NOX4: variants seen among roughly 807,000 people sequenced by gnomAD.
NOX4 encodes kidney oxidase-1.
A neutral mutation model predicts 87.6 loss-of-function variants in NOX4; 69 were observed. The observed-to-expected ratio is 0.79, with a 90% CI of 0.65 to 0.96. NOX4 has a LOEUF of 0.96. Among genes scored for constraint, NOX4 ranks in the 40% least tolerant of loss-of-function variants. The pLI is 0.00. For missense variants in NOX4, 680 were observed against 681.5 expected, an observed-to-expected ratio of 1.00 and a Z score of 0.02; for synonymous variants, 275 against 238.2, an observed-to-expected ratio of 1.15 and a Z score of -1.42.
the NOX4 span, among the ~76,000 whole-genome samples, chr11:89,521,246 A>C: frequency 6.6e-6 from 1 of 152,158 alleles, no homozygotes; most frequent in Admixed American, 6.5e-5. Context: ...CAAAAAGAAC[A>C]AAGCCAAAGG....
rs965095979 is a variant in NOX4 at position 89,325,016 on chromosome 11, C to T, written c.*1740G>A. 1 of 149,902 alleles carries T rather than the reference C, an allele frequency of 6.7e-6. No homozygotes were observed. Among genetic ancestry groups the T allele is most frequent in the African/African-American group, 2.5e-5 (1 of 40,550 alleles). The allele number at this position is 149,902 out of a possible 1,614,324, so 9.3% of individuals were successfully genotyped here. A position where few individuals can be genotyped will look rare whatever the true frequency, so the allele number is the denominator to read the frequency against. Reference sequence around the variant, plus strand: ...GTTTTATGTAACATTTTAACAATGGCAAGGTAAGTCACACTGCTGATTTCA... The same window carrying T: ...GTTTTATGTAACATTTTAACAATGGTAAGGTAAGTCACACTGCTGATTTCA... On this transcript the variant is annotated 3_prime_UTR_variant, in exon 18 of 18. Transcript: ENST00000263317.
intron 2 of NOX4, among the ~76,000 whole-genome samples, chr11:89,472,015 T>C (rs1358689736): frequency 2.0e-5 from 3 of 152,226 alleles, no homozygotes; most frequent in African/African-American, 7.2e-5. Flanking sequence ...GTTCTGGGTT[T>C]ACAGGCATGA....
the NOX4 span, among the ~76,000 whole-genome samples, chr11:89,525,349 A>T: frequency 6.6e-6 from 1 of 152,068 alleles, no homozygotes; most frequent in African/African-American, 2.4e-5. Context: ...AGTGAATAAG[A>T]GTTCCAGTTG....
At chr11:89,427,726 A>T (rs1943519869) in intron 7 of NOX4, among the ~76,000 whole-genome samples, 1 of 152,236 alleles carries the variant, frequency 6.6e-6, no homozygotes, top group African/African-American at 2.4e-5. Context: ...ATGTGAGAAG[A>T]CCAAAACTAC....
chr11:89,437,617 G>C (rs921905552), intron 6 of NOX4, among the ~76,000 whole-genome samples: 1 of 151,876 alleles, frequency 6.6e-6, no homozygotes. Flanking sequence ...TGCTGAATTG[G>C]GTGAGTCAAA....
intron 3 of NOX4, among the ~76,000 whole-genome samples, chr11:89,451,543 T>C (rs1038015740): frequency 1.3e-5 from 2 of 152,316 alleles, no homozygotes; most frequent in Admixed American, 6.5e-5. Flanking sequence ...GTCCAGCATG[T>C]ATGTGAAACA....
At chr11:89,443,814 C>T (rs1004760104) in intron 5 of NOX4, 6 of 208,862 alleles carry the variant, frequency 2.9e-5, no homozygotes, top group African/African-American at 1.4e-4. Flanking sequence ...TACCCTGTAA[C>T]GGCACTGTCA....
intron 6 of NOX4, among the ~76,000 whole-genome samples, chr11:89,434,768 T>G (rs535354429): frequency 6.7e-6 from 1 of 149,568 alleles, no homozygotes; most frequent in East Asian, 2.0e-4. Context: ...GGAAAATTAA[T>G]CAGCAATAAA....
intron 2 of NOX4, among the ~76,000 whole-genome samples, chr11:89,462,472 T>C (rs1430644395): frequency 6.6e-6 from 1 of 152,112 alleles, no homozygotes; most frequent in East Asian, 1.9e-4. Context: ...TACTATAAAG[T>C]TACAGTAATT....
At chr11:89,484,255 CA>C (rs1555049605) in intron 2 of NOX4, among the ~76,000 whole-genome samples, 2 of 151,994 alleles carry the variant, frequency 1.3e-5, no homozygotes, top group Non-Finnish European at 2.9e-5. Flanking sequence ...AGCTATATAT[CA>C]CAACGAGGTT....
At chr11:89,537,399 G>C in the NOX4 span, among the ~76,000 whole-genome samples, 1 of 150,750 alleles carries the variant, frequency 6.6e-6, no homozygotes, top group East Asian at 1.9e-4. Flanking sequence ...ACAGTTTTAT[G>C]TATAGTTATA....
chr11:89,535,034 A>AT, the NOX4 span, among the ~76,000 whole-genome samples: 4 of 152,194 alleles, frequency 2.6e-5, no homozygotes, highest in African/African-American at 9.6e-5. Flanking sequence ...AGCTTTATTC[A>AT]TTACAAGAGG....
chr11:89,338,760 TG>T (rs1281446551), intron 15 of NOX4, among the ~76,000 whole-genome samples: 1 of 152,142 alleles, frequency 6.6e-6, no homozygotes, highest in African/African-American at 2.4e-5. Flanking sequence ...CTCCAAAATA[TG>T]TGTCTAGTCT....
At chr11:89,341,655 A>C (rs1327307839) in intron 14 of NOX4, among the ~76,000 whole-genome samples, 1 of 152,008 alleles carries the variant, frequency 6.6e-6, no homozygotes, top group Non-Finnish European at 1.5e-5. Flanking sequence ...GCCCCATTTG[A>C]ATGTAAGTTT....
At chr11:89,427,900 T>G in intron 7 of NOX4, among the ~76,000 whole-genome samples, 1 of 151,920 alleles carries the variant, frequency 6.6e-6, no homozygotes, top group East Asian at 1.9e-4. Flanking sequence ...GAAGACCAAC[T>G]CAAAGACACA....
chr11:89,346,516 A>G (rs1342214042), intron 13 of NOX4, among the ~76,000 whole-genome samples: 1 of 150,408 alleles, frequency 6.6e-6, no homozygotes, highest in Non-Finnish European at 1.5e-5. Flanking sequence ...CCTCAAACAT[A>G]AAAACTAAAG....
intron 2 of NOX4, among the ~76,000 whole-genome samples, chr11:89,476,275 C>A (rs1010802000): frequency 6.6e-6 from 1 of 151,934 alleles, no homozygotes. Flanking sequence ...TTACATTTGT[C>A]AGGCTTGTTG....
rs1393292765 is a variant in NOX4, at chr11:89,491,254, GC to G, written c.-9del. ...CCTCCAGGACACAGCCATGCCGCCGGCCCCGCCGCGCTGCGCTCTGTGCCCG... is the reference window on the plus strand; with the variant it reads ...CCTCCAGGACACAGCCATGCCGCCGGCCCGCCGCGCTGCGCTCTGTGCCCG... On this transcript the variant is annotated 5_prime_UTR_variant, in exon 1 of 18. Coordinates refer to ENST00000263317, the MANE Select transcript of NOX4 (RefSeq NM_016931.5). The G allele has an allele frequency of 1.2e-6, 2 of 1,610,816 alleles. No homozygotes were observed. Among genetic ancestry groups the G allele is most frequent in the Non-Finnish European group, 1.7e-6 (2 of 1,178,512 alleles).
In NOX4 at chr11:89,457,108, G is replaced by A. The variant is rs147831562; in HGVS notation, c.154-5213C>T. On this transcript the variant is annotated intron_variant, in intron 2 of 17. Coordinates refer to ENST00000263317, the MANE Select transcript of NOX4 (RefSeq NM_016931.5). ...GAGCTCCAGTAGACCAGCCCCTGAC[G>A]ATGCACACTAGCCAACCTGCAGCCT... 5.5e-3 allele frequency among the ~76,000 whole-genome samples: 831 copies of A among 152,236 alleles called. 5 individuals are homozygous for A. Among genetic ancestry groups the A allele is most frequent in the Non-Finnish European group, 0.01 (694 of 68,006 alleles).
Sources: allele counts gnomAD v4.1 joint callset (sites outside exome capture counted in the v4.1 genomes callset), GRCh38; gene constraint gnomAD v4.1.1; transcripts MANE v1.5; gene names NCBI Gene and HGNC (gene_info 2026-07-23, HGNC 2026-07-21).